The following CACNA1H variants were observed in gnomAD, a reference collection of about 807,000 sequenced individuals.
CACNA1H encodes voltage-dependent T-type calcium channel subunit alpha-1H.
Under a neutral mutation model 192.5 loss-of-function variants are expected in CACNA1H, and 149 were observed. The observed-to-expected ratio is 0.77, with a 90% CI of 0.68 to 0.89. CACNA1H has a LOEUF of 0.89. Ranked by LOEUF, CACNA1H falls within the 40% of genes least tolerant of loss-of-function variation. The probability of loss-of-function intolerance (pLI) is 0.00; values close to 1 mark genes in which losing one functional copy is unlikely to be tolerated. For synonymous variants in CACNA1H, 2,202 were observed against 1,475.2 expected (o/e 1.49, Z -11.29); for missense variants, 4,257 against 3,423.5 (o/e 1.24, Z -6.08).
chr16:1,164,933 ATG>A (rs1963606206), intron 2 of CACNA1H, among the ~76,000 whole-genome samples: 1 of 151,748 alleles, frequency 6.6e-6, no homozygotes, highest in African/African-American at 2.4e-5. Flanking sequence ...GGCTTGGCAG[ATG>A]TGTGTTTTCT....
At position 1,194,952 on chromosome 16, in the gene CACNA1H, TCCTTAACCCGCGG is replaced by T; in HGVS notation, c.300-18_300-6del. The T allele has an allele frequency of 6.3e-7, 1 of 1,580,890 alleles. No homozygotes were observed. Among genetic ancestry groups the T allele is most frequent in the Non-Finnish European group, 8.7e-7 (1 of 1,151,366 alleles). On this transcript the variant is annotated splice_polypyrimidine_tract_variant and splice_region_variant and intron_variant, in intron 2 of 34. Coordinates refer to ENST00000348261, the MANE Select transcript of CACNA1H (RefSeq NM_021098.3). ...CGGGTCCCGGGCCGCGCCGGTGTGCTCCTTAACCCGCGGCGACACATGGTTCGAGCACGTGAGC... is the reference window on the plus strand; with the variant it reads ...CGGGTCCCGGGCCGCGCCGGTGTGCTCGACACATGGTTCGAGCACGTGAGC...
chr16:1,162,520 C>T (rs1290679232), intron 2 of CACNA1H, among the ~76,000 whole-genome samples: 3 of 152,120 alleles, frequency 2.0e-5, no homozygotes, highest in Admixed American at 6.5e-5. Context: ...AGAGAGGACG[C>T]TTAGCCGTGA....
chr16:1,171,121 TC>T (rs777127214), intron 2 of CACNA1H, among the ~76,000 whole-genome samples: 11 of 151,852 alleles, frequency 7.2e-5, no homozygotes, highest in Non-Finnish European at 1.2e-4. Context: ...GCCCCTCCCC[TC>T]CCCTAGTGCC....
At chr16:1,162,698 T>G (rs966686574) in intron 2 of CACNA1H, among the ~76,000 whole-genome samples, 1 of 150,618 alleles carries the variant, frequency 6.6e-6, no homozygotes, top group African/African-American at 2.5e-5. Flanking sequence ...TGAAGGGGTC[T>G]GGGGGCCGCA....
At chr16:1,197,472 C>G (rs969535907) in intron 5 of CACNA1H, among the ~76,000 whole-genome samples, 2 of 152,210 alleles carry the variant, frequency 1.3e-5, no homozygotes, top group African/African-American at 4.8e-5. Flanking sequence ...GCAGCCTGGC[C>G]TCCTGGGGAT....
intron 2 of CACNA1H, among the ~76,000 whole-genome samples, chr16:1,189,713 G>T (rs559710972): frequency 6.6e-6 from 1 of 152,014 alleles, no homozygotes; most frequent in Non-Finnish European, 1.5e-5. Context: ...GTGAACCACC[G>T]GGCCCAGCCT....
At position 1,218,576 on chromosome 16, in the gene CACNA1H, G is replaced by C. The variant is rs1348134844; in HGVS notation, c.5812G>C (p.Val1938Leu). The C allele has an allele frequency of 6.4e-7, 1 of 1,565,580 alleles. No homozygotes were observed. The highest frequency in any genetic ancestry group is 8.7e-7 in the Non-Finnish European group (1 of 1,155,424). The change falls in exon 33 of 35, where the codon GTG becomes CTG. Residue 1938 changes from valine (V) to leucine (L), a missense_variant. By Grantham distance (32) the Val-to-Leu change is conservative. Coordinates refer to ENST00000348261, the MANE Select transcript of CACNA1H (RefSeq NM_021098.3). ...PNDSYMFRPVVPASAPHPRPL... is the reference protein window; with the variant it reads ...PNDSYMFRPVLPASAPHPRPL... ...CGACAGCTACATGTTCAGGCCCGTG[G>C]TGCCTGCCTCGGCGCCCCACCCCCG... is the stretch of plus-strand genomic sequence containing the variant.
rs373830807 is a variant in CACNA1H at position 1,220,673 on chromosome 16, G to C, written c.6741G>C (p.Lys2247Asn). The C allele has an allele frequency of 1.2e-6, 2 of 1,608,792 alleles. No individual in the cohort carries two copies. The highest frequency in any genetic ancestry group is 1.7e-6 in the Non-Finnish European group (2 of 1,178,142). The stretch of plus-strand genomic sequence containing the variant: ...GCGCCGGGGGGGACCCTGCAGCCAA[G>C]GGGGAGCGCTGGGGCCAGGCCTCCT... Reference protein sequence around the residue: ...GSGAGGDPAAKGERWGQASCR... With the variant: ...GSGAGGDPAANGERWGQASCR... The change falls in exon 35 of 35, where the codon AAG becomes AAC. Residue 2247 changes from lysine (K) to asparagine (N), a missense_variant. Coordinates refer to ENST00000348261, the MANE Select transcript of CACNA1H (RefSeq NM_021098.3).
Position 1,215,264 on chromosome 16 carries a change from A to G in CACNA1H, c.5062A>G (p.Ile1688Val), listed in dbSNP as rs574647552. 114 of 1,606,178 alleles carry G rather than the reference A, an allele frequency of 7.1e-5. 1 individual carries two copies. In the South Asian group the frequency reaches 1.2e-3, roughly 17 times the overall value. ...CAGGTGGAACCAGCTGGACCTGGCC[A>G]TCGTGCTGCTGTCACTCATGGGCAT... The part of the protein sequence containing the change: ...KDRWNQLDLA[I>V]VLLSLMGITL... Residue 1688 changes from isoleucine to valine, a missense_variant, in exon 29 of 35, where the codon ATC becomes GTC. Transcript: ENST00000348261.
chr16:1,153,572 G>GGGGC (rs1169565424), intron 1 of CACNA1H, 102 bp downstream of exon 1: 4 of 378,974 alleles, frequency 1.1e-5, no homozygotes. Context: ...AGGGAGGGAG[G>GGGGC]GGGCGGGCGG....
Position 1,195,558 on chromosome 16 carries a change from G to T in CACNA1H, c.538G>T (p.Val180Leu). 6.3e-7 allele frequency: 1 copy of T among 1,591,978 alleles called. No individual in the cohort carries two copies. The highest frequency in any genetic ancestry group is 1.1e-5 in the South Asian group (1 of 87,350). ...TWNRLDFFIV[V>L]AGMMEYSLDG... Reference sequence around the variant, plus strand: ...GAACAGGCTGGATTTCTTCATCGTCGTGGCGGGGTAGGCCCCGCCTGGGAG... The same window carrying T: ...GAACAGGCTGGATTTCTTCATCGTCTTGGCGGGGTAGGCCCCGCCTGGGAG... The change falls in exon 4 of 35, where the codon GTG becomes TTG. Residue 180 changes from valine to leucine, a missense_variant. Physicochemically the swap from Val to Leu is conservative, Grantham distance 32. Coordinates refer to ENST00000348261, the MANE Select transcript of CACNA1H (RefSeq NM_021098.3).
chr16:1,200,451 A>C lies in CACNA1H; in HGVS notation c.999A>C (p.Ala333=), dbSNP rs529471626. 1 of 1,611,594 alleles carries C rather than the reference A, an allele frequency of 6.2e-7. No homozygotes were observed. The highest frequency in any genetic ancestry group is 1.1e-5 in the South Asian group (1 of 91,070). ...TQPQAEGVGA[A]RNACINWNQY... is the part of the protein sequence containing the mutation. Reference sequence around the variant, plus strand: ...CGCAGGCCGAGGGGGTGGGCGCTGCACGCAACGCCTGCATCAACTGGAACC... The same window carrying C: ...CGCAGGCCGAGGGGGTGGGCGCTGCCCGCAACGCCTGCATCAACTGGAACC... Residue 333 remains alanine (A), a synonymous_variant, in exon 7 of 35, where the codon GCA becomes GCC. Coordinates refer to ENST00000348261, the MANE Select transcript of CACNA1H (RefSeq NM_021098.3).
rs750666820 is a variant in CACNA1H at position 1,220,192 on chromosome 16, G to T, written c.6260G>T (p.Gly2087Val). The T allele has an allele frequency of 1.3e-5, 20 of 1,539,800 alleles. No individual in the cohort carries two copies. Among genetic ancestry groups the T allele is most frequent in the Non-Finnish European group, 1.7e-6 (2 of 1,148,968 alleles). The stretch of plus-strand genomic sequence containing the variant: ...GTCTCCAGCCGGCCGGCGGCCCCAG[G>T]CGGAGAGGAGGCCGAGGCCTCGGAC... Reference protein sequence around the residue: ...RCVSSRPAAPGGEEAEASDPA... With the variant: ...RCVSSRPAAPVGEEAEASDPA... The change falls in exon 35 of 35, where the codon GGC (glycine) becomes GTC (valine). Residue 2087 changes from glycine to valine, a missense_variant. Transcript: ENST00000348261.
At chr16:1,212,176 G>T (rs1460619126) in intron 25 of CACNA1H, 38 bp downstream of exon 25, 1 of 1,573,870 alleles carries the variant, frequency 6.4e-7, no homozygotes, top group African/African-American at 1.3e-5. Context: ...TGGCGGGTCG[G>T]TACCTGTGTG....
intron 26 of CACNA1H, among the ~76,000 whole-genome samples, chr16:1,212,849 G>A (rs781306498): frequency 1.3e-5 from 2 of 152,222 alleles, no homozygotes; most frequent in Non-Finnish European, 2.9e-5. Flanking sequence ...GACTGGCCGC[G>A]GGCCCTCTCC....
In CACNA1H at chr16:1,220,290, C is replaced by CCCGAAG; in HGVS notation, c.6361_6366dup (p.Glu2121_Ala2122dup). Reference sequence around the variant, plus strand: ...GCAGCCCACAGCCGAGCCCCATGGCCCCGAAGCCTCTCCGGTGGCCGGCGG... The same window carrying CCCGAAG: ...GCAGCCCACAGCCGAGCCCCATGGCCCCGAAGCCGAAGCCTCTCCGGTGGCCGGCGG... On this transcript the variant is annotated inframe_insertion, in exon 35 of 35. Transcript: ENST00000348261. 1 of 1,578,092 alleles carries CCCGAAG rather than the reference C, an allele frequency of 6.3e-7. No individual in the cohort carries two copies. The highest frequency in any genetic ancestry group is 8.6e-7 in the Non-Finnish European group (1 of 1,168,988).
At position 1,210,354 on chromosome 16, in the gene CACNA1H, G is replaced by GGCCCCC; in HGVS notation, c.3846-16_3846-15insGCCCCC. ...CGCCGCCCCGCCCCACCTCTCACCC[G>GGCCCCC]CCCCCGCCCACCCAGGTTCCGCGTC... On this transcript the variant is annotated splice_polypyrimidine_tract_variant and intron_variant, in intron 18 of 34. Coordinates refer to ENST00000348261, the MANE Select transcript of CACNA1H (RefSeq NM_021098.3). The GGCCCCC allele has an allele frequency of 6.5e-6, 1 of 153,656 alleles. No homozygotes were observed. The highest frequency in any genetic ancestry group is 1.1e-5 in the Non-Finnish European group (1 of 89,594). The allele number at this position is 153,656 out of a possible 1,614,324, so 9.5% of individuals were successfully genotyped here.
chr16:1,190,846 G>A (rs1206560447), intron 2 of CACNA1H, among the ~76,000 whole-genome samples: 1 of 151,442 alleles, frequency 6.6e-6, no homozygotes, highest in Non-Finnish European at 1.5e-5. Flanking sequence ...GGCTGGCCTG[G>A]CTGTGTGGCC....
Position 1,206,230 on chromosome 16 carries a change from G to GA in CACNA1H, c.2731dup (p.Thr911AsnfsTer43). Reference sequence around the variant, plus strand: ...GGCGCCAGCTCGTGGTGCTGGTGAAGACCATGGACAACGTGGCTACCTTCT... The same window carrying GA: ...GGCGCCAGCTCGTGGTGCTGGTGAAGAACCATGGACAACGTGGCTACCTTCT... On this transcript the variant is annotated frameshift_variant, in exon 12 of 35. Transcript: ENST00000348261. LOFTEE classifies it high-confidence loss of function. 1 of 1,592,064 alleles carries GA rather than the reference G, an allele frequency of 6.3e-7. No individual in the cohort carries two copies. Among genetic ancestry groups the GA allele is most frequent in the Non-Finnish European group, 8.5e-7 (1 of 1,170,284 alleles).
Sources: gnomAD v4.1 joint callset for allele counts (sites outside exome capture counted in the v4.1 genomes callset) on GRCh38, gnomAD v4.1.1 for gene constraint, MANE v1.5 for transcripts, NCBI Gene and HGNC (gene_info 2026-07-23, HGNC 2026-07-21) for gene names.